The following DGLUCY variants were observed in gnomAD, a reference collection of about 807,000 sequenced individuals.
The protein encoded by DGLUCY is D-glutamate cyclase, mitochondrial.
A neutral mutation model predicts 58.5 loss-of-function variants in DGLUCY; 58 were observed. That is an observed-to-expected ratio of 0.99 (90% CI 0.80 to 1.23). The LOEUF is 1.23. DGLUCY is among the 50% of genes most tolerant of loss of function. The pLI, the probability that DGLUCY is intolerant of heterozygous loss-of-function variation, is 0.00. For missense variants in DGLUCY, 779 were observed against 784.7 expected (o/e 0.99, Z 0.09); for synonymous variants, 325 against 314.1 (o/e 1.03, Z -0.37).
intron 10 of DGLUCY, among the ~76,000 whole-genome samples, chr14:91,197,441 G>T (rs557205938): frequency 6.6e-6 from 1 of 152,144 alleles, no homozygotes; most frequent in Non-Finnish European, 1.5e-5. Context: ...CTTCAGTGGC[G>T]TAAAACTACA....
At chr14:91,071,204 G>GC (rs1466764711) in intron 1 of DGLUCY, among the ~76,000 whole-genome samples, 1 of 151,790 alleles carries the variant, frequency 6.6e-6, no homozygotes, top group African/African-American at 2.4e-5. Context: ...AGGTGTGGTG[G>GC]CACGCGCCTG....
chr14:91,188,968 G>T lies in DGLUCY; in HGVS notation c.993G>T (p.Ser331=), dbSNP rs767862215. The T allele has an allele frequency of 2.5e-6, 4 of 1,613,994 alleles. No individual in the cohort carries two copies. The highest frequency in any genetic ancestry group is 2.7e-5 in the African/African-American group (2 of 74,918). ...ATGAGCTGCTGAAGGCCTCTCTCTC[G>T]CTGTCCCATGCCCGCTCAGTGCTCA... The part of the protein sequence containing the change: ...CKDELLKASL[S]LSHARSVLIT... Residue 331 remains serine (S), a synonymous_variant, in exon 9 of 14, where the codon TCG becomes TCT. Coordinates refer to ENST00000256324, the MANE Select transcript of DGLUCY (RefSeq NM_001102368.3).
At chr14:91,162,900 GAAA>G (rs77019681) in intron 3 of DGLUCY, among the ~76,000 whole-genome samples, 2 of 83,840 alleles carry the variant, frequency 2.4e-5, no homozygotes, top group African/African-American at 4.5e-5. Context: ...TCTGTCTCAA[GAAA>G]AAAAAAAAAA....
intron 5 of DGLUCY, 114 bp downstream of exon 5, chr14:91,170,315 A>G (rs2048508910): frequency 3.8e-5 from 45 of 1,180,662 alleles, no homozygotes; most frequent in Non-Finnish European, 4.9e-5. Context: ...CCTAAGCTCC[A>G]GCCCCAGCTC....
At chr14:91,131,027 A>G (rs1027719418) in intron 1 of DGLUCY, among the ~76,000 whole-genome samples, 28 of 152,212 alleles carry the variant, frequency 1.8e-4, no homozygotes, top group African/African-American at 6.5e-4. Flanking sequence ...GACTTACTGC[A>G]GCCTCAACCT....
chr14:91,224,708 G>A lies in DGLUCY; in HGVS notation c.1741G>A (p.Val581Met). Reference sequence around the variant, plus strand: ...GGAAGAAAAAATGCTGGGCATCTTGGTGCAGCACAAAGTCCGGAGTGGCGT... The same window carrying A: ...GGAAGAAAAAATGCTGGGCATCTTGATGCAGCACAAAGTCCGGAGTGGCGT... ...IKEEKMLGIL[V>M]QHKVRSGVSG... Residue 581 changes from valine (V) to methionine (M), a missense_variant, in exon 14 of 14, where the codon GTG becomes ATG. By Grantham distance (21) the Val-to-Met change is conservative. Coordinates refer to ENST00000256324, the MANE Select transcript of DGLUCY (RefSeq NM_001102368.3). 2 of 1,608,634 alleles carry A rather than the reference G, an allele frequency of 1.2e-6. No individual in the cohort carries two copies. The highest frequency in any genetic ancestry group is 2.2e-5 in the East Asian group (1 of 44,678).
chr14:91,221,953 A>G (rs372055730), intron 13 of DGLUCY, among the ~76,000 whole-genome samples: 4 of 152,016 alleles, frequency 2.6e-5, no homozygotes, highest in East Asian at 1.9e-4. Context: ...GTGTGACTTA[A>G]TAGCAAGCAC....
At chr14:91,169,782 G>C (rs1265416025) in intron 4 of DGLUCY, among the ~76,000 whole-genome samples, 1 of 151,920 alleles carries the variant, frequency 6.6e-6, no homozygotes, top group Non-Finnish European at 1.5e-5. Flanking sequence ...TGGGAGGTGG[G>C]GGTACGTTCT....
At chr14:91,221,103 C>A (rs1686736134) in intron 13 of DGLUCY, among the ~76,000 whole-genome samples, 1 of 152,226 alleles carries the variant, frequency 6.6e-6, no homozygotes, top group African/African-American at 2.4e-5. Flanking sequence ...GGCTCCCAGC[C>A]CCTCTCTGCT....
intron 12 of DGLUCY, among the ~76,000 whole-genome samples, chr14:91,212,250 T>G (rs761706793): frequency 2.6e-5 from 4 of 152,228 alleles, no homozygotes; most frequent in African/African-American, 4.8e-5. Context: ...CTCATACCTA[T>G]AACCCTAACA....
chr14:91,184,268 C>T (rs2049352178), intron 8 of DGLUCY, among the ~76,000 whole-genome samples: 1 of 151,914 alleles, frequency 6.6e-6, no homozygotes, highest in African/African-American at 2.4e-5. Context: ...ACGAATCTGA[C>T]AGTGCAGACC....
At chr14:91,161,236 A>G (rs2047962602) in intron 3 of DGLUCY, among the ~76,000 whole-genome samples, 1 of 152,120 alleles carries the variant, frequency 6.6e-6, no homozygotes, top group Admixed American at 6.6e-5. Flanking sequence ...ATGCCCAGCT[A>G]ATTTTTTGTA....
chr14:91,215,746 G>A, intron 13 of DGLUCY, 190 bp downstream of exon 13: 1 of 1,461,180 alleles, frequency 6.8e-7, no homozygotes. Context: ...TCTGAATCGT[G>A]TGGCAGGCCT....
chr14:91,142,836 A>C, intron 1 of DGLUCY, among the ~76,000 whole-genome samples: 1 of 81,568 alleles, frequency 1.2e-5, no homozygotes, highest in Non-Finnish European at 2.4e-5. Context: ...CACCATCTCT[A>C]CTAAACACAC....
intron 11 of DGLUCY, among the ~76,000 whole-genome samples, chr14:91,200,927 G>T (rs1213500391): frequency 1.3e-5 from 2 of 151,924 alleles, no homozygotes; most frequent in South Asian, 2.1e-4. Context: ...TTGCGGGCAG[G>T]GGGTGGATCT....
chr14:91,117,058 G>T (rs1437673975), intron 1 of DGLUCY, among the ~76,000 whole-genome samples: 1 of 152,140 alleles, frequency 6.6e-6, no homozygotes, highest in Non-Finnish European at 1.5e-5. Context: ...GATTATTCAT[G>T]AGTGTTCCAG....
At chr14:91,062,581 ATATATATATATATATATATATATATATAT>A (rs1410447578) in intron 1 of DGLUCY, among the ~76,000 whole-genome samples, 1 of 24,810 alleles carries the variant, frequency 4.0e-5, no homozygotes, top group Non-Finnish European at 8.9e-5. Flanking sequence ...ATATATATAT[ATATATATATATATATATATATATATATAT>A]AAACAATCCT....
intron 1 of DGLUCY, among the ~76,000 whole-genome samples, chr14:91,062,589 A>G (rs1464071489): frequency 4.1e-5 from 1 of 24,534 alleles, no homozygotes; most frequent in Non-Finnish European, 9.1e-5. Flanking sequence ...ATATATATAT[A>G]TATATATATA....
intron 1 of DGLUCY, among the ~76,000 whole-genome samples, chr14:91,061,034 T>C: frequency 6.6e-6 from 1 of 152,038 alleles, no homozygotes; most frequent in Non-Finnish European, 1.5e-5. Context: ...GCGCTCGGGG[T>C]CTCTGATTGG....
Sources: allele counts gnomAD v4.1 joint callset (sites outside exome capture counted in the v4.1 genomes callset), GRCh38; gene constraint gnomAD v4.1.1; transcripts MANE v1.5; gene names NCBI Gene and HGNC (gene_info 2026-07-23, HGNC 2026-07-21).